The following EPS15 variants were observed in gnomAD, a reference collection of about 807,000 sequenced individuals.
The protein encoded by EPS15 is epidermal growth factor receptor substrate 15.
Under a neutral mutation model 113.8 loss-of-function variants are expected in EPS15, and 72 were observed. The ratio of observed to expected loss-of-function variants is 0.63; its 90% CI spans 0.52 to 0.77. The LOEUF is 0.77. EPS15 is among the 30% of genes least tolerant of loss of function. The pLI is 0.00. For missense variants in EPS15, 1,048 were observed against 1,045.8 expected, an observed-to-expected ratio of 1.00 and a Z score of -0.03; for synonymous variants, 344 against 363.4, an observed-to-expected ratio of 0.95 and a Z score of 0.61.
At chr1:51,417,175 C>T (rs1205722017) in intron 13 of EPS15, among the ~76,000 whole-genome samples, 1 of 152,046 alleles carries the variant, frequency 6.6e-6, no homozygotes, top group African/African-American at 2.4e-5. Flanking sequence ...AGTCATCCCT[C>T]TTCATCTAAG....
At chr1:51,402,390 T>C (rs753962601) in intron 18 of EPS15, 45 bp downstream of exon 18, 5 of 1,024,948 alleles carry the variant, frequency 4.9e-6, no homozygotes, top group Non-Finnish European at 4.4e-6. Context: ...TATTAAAAAG[T>C]CTTTTTTTTG....
In EPS15 at chr1:51,409,547, C is replaced by T; in HGVS notation, c.1263G>A (p.Glu421=). The change falls in exon 14 of 25, where the codon GAG becomes GAA. Residue 421 remains glutamate, a synonymous_variant. Transcript: ENST00000371733. Reference sequence around the variant, plus strand: ...AGCCAGACATTACCAGTTGGGCCTCCTCAGCACATTTCTTTCTGACTTCCT... The same window carrying T: ...AGCCAGACATTACCAGTTGGGCCTCTTCAGCACATTTCTTTCTGACTTCCT... ...QLKEVRKKCA[E]EAQLISSLKA... 3 of 1,612,484 alleles carry T rather than the reference C, an allele frequency of 1.9e-6. No individual in the cohort carries two copies. The highest frequency in any genetic ancestry group is 2.2e-5 in the East Asian group (1 of 44,864).
chr1:51,360,878 C>T (rs571685880), intron 24 of EPS15, among the ~76,000 whole-genome samples: 19 of 152,012 alleles, frequency 1.2e-4, no homozygotes, highest in Non-Finnish European at 1.0e-4. Context: ...TAACCATCCA[C>T]AAAATAATAA....
At chr1:51,368,282 T>C (rs1229615178) in intron 21 of EPS15, among the ~76,000 whole-genome samples, 1 of 152,148 alleles carries the variant, frequency 6.6e-6, no homozygotes, top group Non-Finnish European at 1.5e-5. Context: ...GCAAAGAAGA[T>C]ACACTATTTT....
chr1:51,435,244 C>T (rs969971954), intron 12 of EPS15, among the ~76,000 whole-genome samples: 2 of 151,708 alleles, frequency 1.3e-5, no homozygotes, highest in East Asian at 2.0e-4. Context: ...CTGGAGTGAT[C>T]TCGGCTGTGA....
intron 20 of EPS15, among the ~76,000 whole-genome samples, chr1:51,394,929 C>T (rs189233932): frequency 6.6e-6 from 1 of 152,260 alleles, no homozygotes; most frequent in Non-Finnish European, 1.5e-5. Flanking sequence ...GTGATCACAG[C>T]TTACTGTAAC....
chr1:51,480,997 A>T (rs965570475), intron 2 of EPS15, among the ~76,000 whole-genome samples: 1 of 152,226 alleles, frequency 6.6e-6, no homozygotes, highest in Non-Finnish European at 1.5e-5. Flanking sequence ...ATTTGTCTTA[A>T]GAATTTGGAA....
chr1:51,426,892 T>TATATATAC (rs1651272145), intron 12 of EPS15, among the ~76,000 whole-genome samples: 1 of 151,552 alleles, frequency 6.6e-6, no homozygotes, highest in Admixed American at 6.6e-5. Context: ...TACACACACA[T>TATATATAC]ATATATACAT....
Position 51,372,433 on chromosome 1 carries a change from C to T in EPS15, c.2120-6404G>A, listed in dbSNP as rs182284157. The T allele has an allele frequency of 3.0e-5, 16 of 534,206 alleles. No homozygotes were observed. In the African/African-American group the frequency reaches 3.1e-4, roughly 10 times the overall value. 33.1% of individuals were successfully genotyped at this position (534,206 alleles called of 1,614,324 possible). On this transcript the variant is annotated intron_variant, in intron 21 of 24. Transcript: ENST00000371733. ...GATGTATCCAACAGTTCTGGAGTCC[C>T]TTTTGATGAAGATGACAAAAATCAT...
At chr1:51,508,244 GAGAA>G (rs769548114) in intron 1 of EPS15, among the ~76,000 whole-genome samples, 719 of 48,402 alleles carry the variant, frequency 0.015, 9 homozygotes, top group African/African-American at 0.052. Context: ...AAAAGAAAGA[GAGAA>G]AGAGAGAGAG....
At chr1:51,434,336 T>C (rs1228417177) in intron 12 of EPS15, among the ~76,000 whole-genome samples, 3 of 152,172 alleles carry the variant, frequency 2.0e-5, no homozygotes, top group African/African-American at 7.2e-5. Context: ...ATGTGGTATG[T>C]AAGTACAATG....
intron 13 of EPS15, among the ~76,000 whole-genome samples, chr1:51,417,351 A>G (rs918418614): frequency 1.3e-5 from 2 of 152,194 alleles, no homozygotes. Context: ...AATCTTTTCT[A>G]CCTATGGGTT....
chr1:51,512,584 A>T (rs1644641708), intron 1 of EPS15, among the ~76,000 whole-genome samples: 1 of 152,196 alleles, frequency 6.6e-6, no homozygotes, highest in Non-Finnish European at 1.5e-5. Flanking sequence ...ATCAGTGAGA[A>T]AGAAGACAAA....
At chr1:51,381,317 G>T (rs1045277524) in intron 21 of EPS15, among the ~76,000 whole-genome samples, 3 of 152,174 alleles carry the variant, frequency 2.0e-5, no homozygotes, top group African/African-American at 7.2e-5. Flanking sequence ...TTCCAGCCAG[G>T]TGCGGTGGCT....
At chr1:51,375,760 G>A (rs1251268015) in intron 21 of EPS15, among the ~76,000 whole-genome samples, 1 of 152,078 alleles carries the variant, frequency 6.6e-6, no homozygotes. Context: ...TTCATGTCAA[G>A]TGGAATTACA....
chr1:51,366,998 T>C (rs1387492216), intron 21 of EPS15, among the ~76,000 whole-genome samples: 1 of 152,194 alleles, frequency 6.6e-6, no homozygotes, highest in Non-Finnish European at 1.5e-5. Context: ...GATACAAATT[T>C]CTACCCTTGA....
intron 1 of EPS15, among the ~76,000 whole-genome samples, chr1:51,491,018 T>C (rs1164183045): frequency 6.6e-6 from 1 of 152,138 alleles, no homozygotes; most frequent in Non-Finnish European, 1.5e-5. Flanking sequence ...AAAGGCAGTA[T>C]TGAAGACCAA....
At chr1:51,434,998 T>C (rs1291420969) in intron 12 of EPS15, among the ~76,000 whole-genome samples, 2 of 151,746 alleles carry the variant, frequency 1.3e-5, no homozygotes, top group African/African-American at 4.8e-5. Context: ...TACCACTGAA[T>C]TGTATGTTTA....
intron 12 of EPS15, among the ~76,000 whole-genome samples, chr1:51,429,021 A>G (rs1651472039): frequency 6.6e-6 from 1 of 152,036 alleles, no homozygotes; most frequent in Non-Finnish European, 1.5e-5. Context: ...CCTCTCAAGT[A>G]GCTAGGTCTA....
Sources: allele counts gnomAD v4.1 joint callset (sites outside exome capture counted in the v4.1 genomes callset), GRCh38; gene constraint gnomAD v4.1.1; transcripts MANE v1.5; gene names NCBI Gene and HGNC (gene_info 2026-07-23, HGNC 2026-07-21).